Variants in LOC400499 observed in about 807,000 individuals in gnomAD.
chr16:11,449,953 G>C, the LOC400499 span, among the ~76,000 whole-genome samples: 2 of 152,244 alleles, frequency 1.3e-5, no homozygotes, highest in East Asian at 3.8e-4. Context: ...GAGCCGGCTA[G>C]CCGACCACAC....
the LOC400499 span, chr16:11,501,981 C>A: frequency 1.3e-5 from 5 of 397,044 alleles, no homozygotes; most frequent in African/African-American, 8.2e-5. Context: ...AGCATCCATC[C>A]CTCACTGGGA....
the LOC400499 span, among the ~76,000 whole-genome samples, chr16:11,403,512 C>A: frequency 6.6e-6 from 1 of 152,312 alleles, no homozygotes; most frequent in African/African-American, 2.4e-5. Flanking sequence ...TACACGCATG[C>A]ACACTGCCTT....
At chr16:11,450,857 G>A in the LOC400499 span, 377 of 1,503,976 alleles carry the variant, frequency 2.5e-4, no homozygotes, top group Middle Eastern at 1.0e-3. Flanking sequence ...GGTACACGGG[G>A]TAGAGAGGAA....
At chr16:11,460,754 C>T in the LOC400499 span, 11 of 1,307,284 alleles carry the variant, frequency 8.4e-6, no homozygotes, top group South Asian at 4.7e-5. Flanking sequence ...TAGAACCTGT[C>T]GATGGGGAGG....
chr16:11,482,695 A>G, the LOC400499 span, among the ~76,000 whole-genome samples: 1 of 152,150 alleles, frequency 6.6e-6, no homozygotes, highest in Non-Finnish European at 1.5e-5. Context: ...CTTCAAGATC[A>G]GCCTGGGCAA....
At chr16:11,376,242 A>G in the LOC400499 span, among the ~76,000 whole-genome samples, 1 of 152,162 alleles carries the variant, frequency 6.6e-6, no homozygotes, top group East Asian at 1.9e-4. Flanking sequence ...CTTTGGTGTC[A>G]TATGCGCCAT....
At chr16:11,372,153 C>T in the LOC400499 span, 2 of 152,366 alleles carry the variant, frequency 1.3e-5, no homozygotes, top group Middle Eastern at 6.8e-3. Flanking sequence ...AGGCCCTCCC[C>T]AGGGTCCCCT....
the LOC400499 span, among the ~76,000 whole-genome samples, chr16:11,379,801 G>C: frequency 1.3e-5 from 2 of 152,192 alleles, no homozygotes; most frequent in Admixed American, 1.3e-4. Flanking sequence ...GATCTCATTT[G>C]CTTTTGTGTA....
chr16:11,520,602 G>A, the LOC400499 span, among the ~76,000 whole-genome samples: 1 of 143,676 alleles, frequency 7.0e-6, no homozygotes, highest in East Asian at 2.2e-4. Context: ...GGGAGGCGGA[G>A]ATTGCAATGA....
At chr16:11,519,363 A>C in the LOC400499 span, among the ~76,000 whole-genome samples, 1 of 152,098 alleles carries the variant, frequency 6.6e-6, no homozygotes, top group Non-Finnish European at 1.5e-5. Context: ...GGATGAGTGG[A>C]GGGTGGGGAG....
At chr16:11,399,938 G>A in the LOC400499 span, 9 of 397,580 alleles carry the variant, frequency 2.3e-5, no homozygotes, top group Non-Finnish European at 3.5e-5. Flanking sequence ...GGAGAAGCTG[G>A]TGCCCCTCCC....
chr16:11,447,647 T>G, the LOC400499 span, among the ~76,000 whole-genome samples: 2 of 152,076 alleles, frequency 1.3e-5, no homozygotes, highest in African/African-American at 4.8e-5. Flanking sequence ...GGGAACTGTT[T>G]GAATGAGCTC....
At chr16:11,508,523 G>A in the LOC400499 span, among the ~76,000 whole-genome samples, 1 of 152,356 alleles carries the variant, frequency 6.6e-6, no homozygotes, top group African/African-American at 2.4e-5. Context: ...CACTGGCCTG[G>A]CACACGCCAT....
At chr16:11,411,356 G>A in the LOC400499 span, 1 of 399,224 alleles carries the variant, frequency 2.5e-6, no homozygotes, top group African/African-American at 2.1e-5. Flanking sequence ...AAGGCCTGAA[G>A]CTGGCAAGAC....
the LOC400499 span, chr16:11,425,255 G>A: frequency 5.0e-6 from 2 of 399,028 alleles, no homozygotes; most frequent in Non-Finnish European, 8.8e-6. Context: ...GGGCCCTCAG[G>A]TTCCTCGTCT....
At chr16:11,377,223 A>G in the LOC400499 span, among the ~76,000 whole-genome samples, 1 of 152,252 alleles carries the variant, frequency 6.6e-6, no homozygotes, top group African/African-American at 2.4e-5. Flanking sequence ...TTGACAAATT[A>G]TTAGTTCTAA....
chr16:11,456,917 C>G, the LOC400499 span: 1 of 1,536,302 alleles, frequency 6.5e-7, no homozygotes, highest in South Asian at 1.2e-5. Flanking sequence ...CTGCCACAAA[C>G]AGCGGCCGCC....
At chr16:11,448,670 T>C in the LOC400499 span, among the ~76,000 whole-genome samples, 1 of 151,908 alleles carries the variant, frequency 6.6e-6, no homozygotes. Context: ...GAGGCTGCAG[T>C]GAGCTATGAC....
the LOC400499 span, chr16:11,462,007 T>A: frequency 2.0e-6 from 2 of 980,062 alleles, no homozygotes; most frequent in Non-Finnish European, 2.8e-6. Flanking sequence ...TTGGATGGGA[T>A]GTTGATATTA....
Sources: gnomAD v4.1 joint callset for allele counts (sites outside exome capture counted in the v4.1 genomes callset) on GRCh38, gnomAD v4.1.1 for gene constraint, MANE v1.5 for transcripts.